Variants in HERC1 observed in about 807,000 individuals in gnomAD.
The protein encoded by HERC1 is probable E3 ubiquitin-protein ligase HERC1.
Under a neutral mutation model 554.3 loss-of-function variants are expected in HERC1, and 160 were observed. That is an observed-to-expected ratio of 0.29 (90% CI 0.25 to 0.33). The LOEUF is 0.33. Ranked by LOEUF, HERC1 falls within the 10% of genes least tolerant of loss-of-function variation. HERC1 has a pLI of 1.00. For synonymous variants in HERC1, 2,175 were observed against 2,131.7 expected, an observed-to-expected ratio of 1.02 and a Z score of -0.56; for missense variants, 4,919 against 5,918.5, an observed-to-expected ratio of 0.83 and a Z score of 5.54.
Position 63,674,912 on chromosome 15 carries a change from C to T in HERC1, c.7276G>A (p.Gly2426Arg), listed in dbSNP as rs754578199. Reference sequence around the variant, plus strand: ...CTCTCAGGTTTCTGCTCAACATCCCCTTTCTCCTCGGATTCATGTCGGTGT... The same window carrying T: ...CTCTCAGGTTTCTGCTCAACATCCCTTTTCTCCTCGGATTCATGTCGGTGT... ...KKHRHESEEK[G>R]DVEQKPESES... The change falls in exon 38 of 78, where the codon GGG (glycine) becomes AGG (arginine). Residue 2426 changes from glycine (G) to arginine (R), a missense_variant. Gly to Arg is a moderately radical substitution (Grantham distance 125, BLOSUM62 -2). This residue lies in a region of HERC1 where 1,963 missense variants were observed against 2,228.6 expected (regional missense o/e 0.88). Transcript: ENST00000443617. 6.2e-6 allele frequency: 10 copies of T among 1,613,910 alleles called. No individual in the cohort carries two copies. The Admixed American group carries it at 8.3e-5, about 13-fold the overall frequency.
chr15:63,623,616 G>T, intron 73 of HERC1, 109 bp downstream of exon 73: 4 of 1,052,952 alleles, frequency 3.8e-6, no homozygotes, highest in Non-Finnish European at 5.7e-6. Context: ...GCTCACAAAT[G>T]CATCCTTGCT....
chr15:63,815,043 T>G (rs2091570478), intron 1 of HERC1, among the ~76,000 whole-genome samples: 1 of 152,216 alleles, frequency 6.6e-6, no homozygotes, highest in African/African-American at 2.4e-5. Flanking sequence ...CAGTGTCCTC[T>G]TAACTCAGCC....
At chr15:63,732,501 C>T (rs745460108) in intron 14 of HERC1, among the ~76,000 whole-genome samples, 1 of 152,092 alleles carries the variant, frequency 6.6e-6, no homozygotes, top group Non-Finnish European at 1.5e-5. Context: ...TTAAGAAACA[C>T]TAGAGATTTA....
In HERC1 at chr15:63,713,399, G is replaced by T; in HGVS notation, c.4417C>A (p.Gln1473Lys). The change falls in exon 23 of 78, where the codon CAG (glutamine) becomes AAG (lysine). Residue 1473 changes from glutamine (Q) to lysine (K), a missense_variant. Gln to Lys is a moderately conservative substitution (Grantham distance 53). Around this residue, in one of 11 missense-constraint regions of HERC1, gnomAD observed 1,121 missense variants for 1,244.0 expected, o/e 0.90. Coordinates refer to ENST00000443617, the MANE Select transcript of HERC1 (RefSeq NM_003922.4). ...LQKRREEGQLQQPSTSASEGG... is the reference protein window; with the variant it reads ...LQKRREEGQLKQPSTSASEGG... ...TCAGAGGCACTTGTTGAAGGTTGCTGCAACTGTCCTTCTTCTCTTCGCTTC... is the reference window on the plus strand; with the variant it reads ...TCAGAGGCACTTGTTGAAGGTTGCTTCAACTGTCCTTCTTCTCTTCGCTTC... 5 of 1,614,020 alleles carry T rather than the reference G, an allele frequency of 3.1e-6. No individual in the cohort carries two copies. The highest frequency in any genetic ancestry group is 4.2e-6 in the Non-Finnish European group (5 of 1,179,880).
intron 77 of HERC1, among the ~76,000 whole-genome samples, chr15:63,610,769 G>A (rs1275741372): frequency 6.6e-6 from 1 of 152,234 alleles, no homozygotes; most frequent in Admixed American, 6.5e-5. Flanking sequence ...GCCTGTGTGT[G>A]AAGAGGCCCC....
rs571949527 is a variant in HERC1 at position 63,829,594 on chromosome 15, T to A, written c.-27+4233A>T. Among the ~76,000 whole-genome samples the A allele has an allele frequency of 3.0e-3, 389 of 131,418 alleles. 3 individuals carry two copies. Among genetic ancestry groups the A allele is most frequent in the African/African-American group, 1.0e-2 (347 of 34,788 alleles). The allele number at this position is 131,418 out of a possible 152,430, so 86.2% of individuals were successfully genotyped here. A position where few individuals can be genotyped will look rare whatever the true frequency, so the allele number is the denominator to read the frequency against. On this transcript the variant is annotated intron_variant, in intron 1 of 77. Transcript: ENST00000443617. ...ATATATATATATATATATATATATA[T>A]AATATACTGATATATTTCCTAGTTC...
chr15:63,821,887 T>C lies in HERC1; in HGVS notation c.-27+11940A>G, dbSNP rs548078008. ...CCAAGGTTCCTGCTTTCATGGAGTTTACATTCTAGTAAGGAAGACAAATAA... is the reference window on the plus strand; with the variant it reads ...CCAAGGTTCCTGCTTTCATGGAGTTCACATTCTAGTAAGGAAGACAAATAA... On this transcript the variant is annotated intron_variant, in intron 1 of 77. Transcript: ENST00000443617. 9.3e-4 allele frequency among the ~76,000 whole-genome samples: 141 copies of C among 152,294 alleles called. 1 individual carries two copies. The highest frequency in any genetic ancestry group is 3.3e-3 in the African/African-American group (137 of 41,558).
At chr15:63,636,355 C>T (rs1052563744) in intron 64 of HERC1, among the ~76,000 whole-genome samples, 1 of 151,370 alleles carries the variant, frequency 6.6e-6, no homozygotes, top group African/African-American at 2.4e-5. Flanking sequence ...ACTGCAACCT[C>T]CACCTCCCCG....
Position 63,758,243 on chromosome 15 carries a change from A to G in HERC1, c.1153T>C (p.Leu385=). 6.2e-7 allele frequency: 1 copy of G among 1,613,888 alleles called. No homozygotes were observed. Among genetic ancestry groups the G allele is most frequent in the Non-Finnish European group, 8.5e-7 (1 of 1,179,810 alleles). The change falls in exon 4 of 78, where the codon TTG becomes CTG. Residue 385 remains leucine (L), a synonymous_variant. Coordinates refer to ENST00000443617, the MANE Select transcript of HERC1 (RefSeq NM_003922.4). The surrounding 1 kb of genome is among the most constrained non-coding windows in gnomAD (Gnocchi z 4.0). ...YVWGSNSSHQ[L]VEGTQEKILQ... ...ATTTTCTCCTGTGTACCTTCTACCA[A>G]CTGATGGCTGCTATTGCTCCCCCAA...
intron 2 of HERC1, among the ~76,000 whole-genome samples, chr15:63,773,119 G>A (rs1044689118): frequency 6.6e-6 from 1 of 152,110 alleles, no homozygotes; most frequent in Non-Finnish European, 1.5e-5. Context: ...TTTGTTGGTT[G>A]ACATCTGGTA....
rs2076084299 is a variant in HERC1 at position 63,775,387 on chromosome 15, C to T, written c.237G>A (p.Leu79=). Residue 79 remains leucine, a synonymous_variant, in exon 2 of 78, where the codon TTG becomes TTA. Coordinates refer to ENST00000443617, the MANE Select transcript of HERC1 (RefSeq NM_003922.4). The surrounding 1 kb of genome is among the most constrained non-coding windows in gnomAD (Gnocchi z 4.0). Reference sequence around the variant, plus strand: ...CTAGCTGGCTGCTAAGAAGGGCATCCAAATAGTGGTCCTGCTCATCACTTG... The same window carrying T: ...CTAGCTGGCTGCTAAGAAGGGCATCTAAATAGTGGTCCTGCTCATCACTTG... ...SLSSDEQDHY[L]DALLSSQLAL... is the part of the protein sequence containing the mutation. The T allele has an allele frequency of 6.2e-7, 1 of 1,613,818 alleles. No individual in the cohort carries two copies. The highest frequency in any genetic ancestry group is 1.3e-5 in the African/African-American group (1 of 74,916).
chr15:63,815,013 A>C (rs1008419522), intron 1 of HERC1, among the ~76,000 whole-genome samples: 1 of 152,182 alleles, frequency 6.6e-6, no homozygotes, highest in African/African-American at 2.4e-5. Flanking sequence ...AGCATTTCTA[A>C]ATCTGAAATT....
intron 14 of HERC1, among the ~76,000 whole-genome samples, chr15:63,732,211 G>T (rs2074326985): frequency 6.6e-6 from 1 of 152,070 alleles, no homozygotes; most frequent in African/African-American, 2.4e-5. Context: ...ATATCGGCCA[G>T]GCTGGTCTCA....
chr15:63,832,566 CCA>C (rs2078194017), intron 1 of HERC1, among the ~76,000 whole-genome samples: 1 of 152,140 alleles, frequency 6.6e-6, no homozygotes, highest in Admixed American at 6.5e-5. Context: ...TTTTGAGCAA[CCA>C]CCACTAACAG....
chr15:63,800,897 TAA>T (rs763527831), intron 1 of HERC1, among the ~76,000 whole-genome samples: 2 of 152,040 alleles, frequency 1.3e-5, no homozygotes, highest in Non-Finnish European at 2.9e-5. Context: ...AACCAAGTGA[TAA>T]AAGTGTTGGA....
chr15:63,626,191 A>G, intron 70 of HERC1, 37 bp from the exon 71 acceptor site: 1 of 1,597,016 alleles, frequency 6.3e-7, no homozygotes, highest in Non-Finnish European at 8.5e-7. Flanking sequence ...TGAAGGAAAC[A>G]GCATTGCTTT....
Position 63,645,677 on chromosome 15 carries a change from A to G in HERC1, c.10884T>C (p.Thr3628=), listed in dbSNP as rs1349529542. The G allele has an allele frequency of 1.3e-6, 2 of 1,554,080 alleles. No individual in the cohort carries two copies. Among genetic ancestry groups the G allele is most frequent in the African/African-American group, 1.4e-5 (1 of 72,762 alleles). The part of the protein sequence containing the change: ...GIVLIDAHKD[T]LISMKWDPTG... The stretch of plus-strand genomic sequence containing the variant: ...TAGGGTCCCACTTCATGCTAATAAG[A>G]GTATCCTTAAAATGGAAGGAAGAGA... The change falls in exon 56 of 78, where the codon ACT becomes ACC. Residue 3628 remains threonine (T), a synonymous_variant. Transcript: ENST00000443617.
At chr15:63,669,787 T>C in intron 39 of HERC1, 89 bp from the exon 40 acceptor site, 1 of 1,220,084 alleles carries the variant, frequency 8.2e-7, no homozygotes, top group Non-Finnish European at 1.2e-6. Flanking sequence ...ATATGCAACC[T>C]GGAAGACTAA....
chr15:63,828,053 G>A (rs991700155), intron 1 of HERC1, among the ~76,000 whole-genome samples: 1 of 152,118 alleles, frequency 6.6e-6, no homozygotes, highest in Non-Finnish European at 1.5e-5. Context: ...TGTGATGGTT[G>A]CACCATCTTG....
Sources: allele counts gnomAD v4.1 joint callset (sites outside exome capture counted in the v4.1 genomes callset), GRCh38; gene constraint gnomAD v4.1.1; regional missense constraint gnomAD v4.1.1; non-coding constraint Gnocchi (gnomAD v3.1); transcripts MANE v1.5; gene names NCBI Gene and HGNC (gene_info 2026-07-23, HGNC 2026-07-21).